ERCC5: variants seen among roughly 807,000 people sequenced by gnomAD.
ERCC5 encodes ERCC excision repair 5, endonuclease, also known as DNA excision repair protein ERCC-5.
A neutral mutation model predicts 105.6 loss-of-function variants in ERCC5; 68 were observed. The observed-to-expected ratio is 0.64, with a 90% confidence interval of 0.53 to 0.79. The LOEUF is 0.79. Ranked by LOEUF, ERCC5 falls within the 30% of genes least tolerant of loss-of-function variation. The probability of loss-of-function intolerance (pLI) is 0.00; values close to 1 mark genes in which losing one functional copy is unlikely to be tolerated. For missense variants in ERCC5, 1,373 were observed against 1,426.7 expected, an observed-to-expected ratio of 0.96 and a Z score of 0.61; for synonymous variants, 546 against 526.2, an observed-to-expected ratio of 1.04 and a Z score of -0.51.
intron 8 of ERCC5, chr13:102,864,930 G>T (rs187789893): frequency 6.6e-6 from 1 of 152,568 alleles, no homozygotes; most frequent in East Asian, 1.9e-4. Context: ...CTTCTTTATA[G>T]TTTCCCTAAC....
At position 102,861,734 on chromosome 13, in the gene ERCC5, A is replaced by G. The variant is rs376004208; in HGVS notation, c.880+20A>G. On this transcript the variant is annotated intron_variant, in intron 7 of 14. Transcript: ENST00000652225. ...TAAAAGGTATCAGGCACCATCATTTATATATTTACATTAAAAAATCAAAGA... is the reference window on the plus strand; with the variant it reads ...TAAAAGGTATCAGGCACCATCATTTGTATATTTACATTAAAAAATCAAAGA... 1.5e-4 allele frequency: 244 copies of G among 1,613,706 alleles called. No homozygotes were observed. The highest frequency in any genetic ancestry group is 3.3e-4 in the Admixed American group (20 of 59,978).
rs773334540 is a variant in ERCC5, at chr13:102,875,496, A to C, written c.3154A>C (p.Lys1052Gln). The change falls in exon 15 of 15, where the codon AAA becomes CAA. Residue 1052 changes from lysine (K) to glutamine (Q), a missense_variant. Coordinates refer to ENST00000652225, the MANE Select transcript of ERCC5 (RefSeq NM_000123.4). ...AGAATTTGAGCTACTTGATAAGGCA[A>C]AAGGAAAAACCCAGAAGAGAGGCAT... ...EKEFELLDKA[K>Q]GKTQKRGITN... The C allele has an allele frequency of 6.2e-7, 1 of 1,614,160 alleles. No individual in the cohort carries two copies. The highest frequency in any genetic ancestry group is 8.5e-7 in the Non-Finnish European group (1 of 1,179,976).
chr13:102,857,691 T>C (rs958381518), intron 5 of ERCC5, among the ~76,000 whole-genome samples: 1 of 152,220 alleles, frequency 6.6e-6, no homozygotes, highest in South Asian at 2.1e-4. Context: ...GGGAATGATA[T>C]ATATTGCTTG....
rs1882810064 is a variant in ERCC5 at position 102,865,765 on chromosome 13, C to A, written c.2053C>A (p.Leu685Met). ...TCCCTCAGAACAAGGCGAAGAGGAA[C>A]TGGTAGGAACTAGGGAGGGAGAAGC... The part of the protein sequence containing the change: ...KPPSEQGEEE[L>M]VGTREGEAPA... The change falls in exon 9 of 15, where the codon CTG becomes ATG. Residue 685 changes from leucine (L) to methionine (M), a missense_variant. This residue lies in a region of ERCC5 where 1,004 missense variants were observed against 1,059.7 expected (regional missense o/e 0.95). Transcript: ENST00000652225. This position sits in a 1 kb window ranked among gnomAD's most constrained non-coding sequence, Gnocchi z 4.0. 6.2e-7 allele frequency: 1 copy of A among 1,614,100 alleles called. No homozygotes were observed. The highest frequency in any genetic ancestry group is 2.2e-5 in the East Asian group (1 of 44,878).
chr13:102,866,505 G>T, intron 10 of ERCC5, 124 bp downstream of exon 10: 4 of 1,600,824 alleles, frequency 2.5e-6, no homozygotes, highest in Non-Finnish European at 3.4e-6. Context: ...GTTCCCTGGG[G>T]GTCACTGTGT....
rs995431885 is a variant in ERCC5 at position 102,856,104 on chromosome 13, G to C, written c.520G>C (p.Ala174Pro). Residue 174 changes from alanine (A) to proline (P), a missense_variant, in exon 5 of 15, where the codon GCA becomes CCA. This residue lies in a region of ERCC5 where 1,004 missense variants were observed against 1,059.7 expected (regional missense o/e 0.95). Coordinates refer to ENST00000652225, the MANE Select transcript of ERCC5 (RefSeq NM_000123.4). ...EWQERMNQKQ[A>P]LQEEFFHNPQ... Reference sequence around the variant, plus strand: ...GCAAGAAAGAATGAATCAAAAACAAGCATTACAGGTATTTAGATCATTTTT... The same window carrying C: ...GCAAGAAAGAATGAATCAAAAACAACCATTACAGGTATTTAGATCATTTTT... 5.0e-6 allele frequency: 8 copies of C among 1,613,610 alleles called. No homozygotes were observed. Among genetic ancestry groups the C allele is most frequent in the Non-Finnish European group, 6.8e-6 (8 of 1,179,616 alleles).
intron 4 of ERCC5, 81 bp from the exon 5 acceptor site, chr13:102,855,971 C>G (rs868615072): frequency 3.6e-6 from 5 of 1,398,038 alleles, no homozygotes; most frequent in Non-Finnish European, 5.1e-6. Context: ...GCCCGTATAA[C>G]GAGCAGAGCC....
In ERCC5 at chr13:102,875,457, G is replaced by C. The variant is rs936371368; in HGVS notation, c.3115G>C (p.Val1039Leu). Residue 1039 changes from valine (V) to leucine (L), a missense_variant, in exon 15 of 15, where the codon GTT becomes CTT. Val to Leu is a conservative substitution (Grantham distance 32). This residue lies in a region of ERCC5 where 367 missense variants were observed against 350.2 expected (regional missense o/e 1.05). Transcript: ENST00000652225. ...AAASEIEAVSVAMEKEFELLD... is the reference protein window; with the variant it reads ...AAASEIEAVSLAMEKEFELLD... Reference sequence around the variant, plus strand: ...AGCCAGCGAAATAGAAGCAGTTTCTGTTGCCATGGAGAAAGAATTTGAGCT... The same window carrying C: ...AGCCAGCGAAATAGAAGCAGTTTCTCTTGCCATGGAGAAAGAATTTGAGCT... The C allele has an allele frequency of 4.3e-6, 7 of 1,614,054 alleles. No homozygotes were observed. In the African/African-American group the frequency reaches 5.3e-5, roughly 12 times the overall value.
chr13:102,854,157 C>A, intron 3 of ERCC5, 131 bp from the exon 4 acceptor site: 1 of 991,808 alleles, frequency 1.0e-6, no homozygotes, highest in Non-Finnish European at 1.6e-6. Flanking sequence ...GCAGCCCCGC[C>A]AAGGTTCCTT....
rs1480803999 is a variant in ERCC5 at position 102,862,945 on chromosome 13, A to T, written c.1796A>T (p.Asn599Ile). The T allele has an allele frequency of 8.7e-6, 14 of 1,614,228 alleles. No individual in the cohort carries two copies. Among genetic ancestry groups the T allele is most frequent in the Non-Finnish European group, 1.2e-5 (14 of 1,180,040 alleles). Residue 599 changes from asparagine to isoleucine, a missense_variant, in exon 8 of 15, where the codon AAT becomes ATT. By Grantham distance (149) the Asn-to-Ile change is moderately radical (BLOSUM62 -3). Around this residue, in one of 3 missense-constraint regions of ERCC5, gnomAD observed 1,004 missense variants for 1,059.7 expected, o/e 0.95. Transcript: ENST00000652225. The part of the protein sequence containing the change: ...IVSVPSEAVD[N>I]VENVVSFNAK... Reference sequence around the variant, plus strand: ...AGTGTCCCTTCAGAGGCAGTAGATAATGTGGAAAATGTGGTGTCATTTAAT... The same window carrying T: ...AGTGTCCCTTCAGAGGCAGTAGATATTGTGGAAAATGTGGTGTCATTTAAT...
chr13:102,875,296 T>C lies in ERCC5; in HGVS notation c.2965-11T>C. The stretch of plus-strand genomic sequence containing the variant: ...TGATTTATTATTATTATTCTTTTGT[T>C]ATTTTTTTAGACACAGCTCCGAATT... On this transcript the variant is annotated splice_polypyrimidine_tract_variant and intron_variant, in intron 14 of 14. Coordinates refer to ENST00000652225, the MANE Select transcript of ERCC5 (RefSeq NM_000123.4). 1 of 1,612,546 alleles carries C rather than the reference T, an allele frequency of 6.2e-7. No homozygotes were observed. Among genetic ancestry groups the C allele is most frequent in the Non-Finnish European group, 8.5e-7 (1 of 1,179,230 alleles).
rs770998368 is a variant in ERCC5 at position 102,861,511 on chromosome 13, C to G, written c.677C>G (p.Ser226Cys). 6.2e-7 allele frequency: 1 copy of G among 1,613,980 alleles called. No individual in the cohort carries two copies. The highest frequency in any genetic ancestry group is 8.5e-7 in the Non-Finnish European group (1 of 1,179,970). ...RTLFEAMPEESDDFSQYQLKG... is the reference protein window; with the variant it reads ...RTLFEAMPEECDDFSQYQLKG... ...GTTTGTTTATTTTGCCTTTAGGAGT[C>G]TGATGACTTTTCACAGTACCAACTC... The change falls in exon 7 of 15, where the codon TCT becomes TGT. Residue 226 changes from serine to cysteine, a missense_variant. Coordinates refer to ENST00000652225, the MANE Select transcript of ERCC5 (RefSeq NM_000123.4).
rs1245984500 is a variant in ERCC5 at position 102,868,105 on chromosome 13, C to G, written c.2534-8C>G. On this transcript the variant is annotated splice_region_variant and splice_polypyrimidine_tract_variant and intron_variant, in intron 11 of 14. Transcript: ENST00000652225. ...TGATAAAAATTAAAAAATATTGTTA[C>G]TCTTTAGGATTGGACCGGAATAAGT... 3 of 1,611,410 alleles carry G rather than the reference C, an allele frequency of 1.9e-6. No homozygotes were observed. The highest frequency in any genetic ancestry group is 2.5e-6 in the Non-Finnish European group (3 of 1,178,896).
chr13:102,866,733 C>T lies in ERCC5; in HGVS notation c.2421C>T (p.Ile807=), dbSNP rs199648606. ...LDLTDQTSGT[I]TDDSDIWLFG... is the part of the protein sequence containing the mutation. ...TGACTGATCAGACTTCCGGAACCAT[C>T]ACTGATGACAGTGATATCTGGCTGT... The change falls in exon 11 of 15, where the codon ATC becomes ATT. Residue 807 remains isoleucine, a synonymous_variant. Coordinates refer to ENST00000652225, the MANE Select transcript of ERCC5 (RefSeq NM_000123.4). The T allele has an allele frequency of 2.4e-5, 38 of 1,614,158 alleles. No individual in the cohort carries two copies. The East Asian group carries it at 3.8e-4, about 16-fold the overall frequency.
chr13:102,863,866 C>T (rs1448206445), intron 8 of ERCC5, among the ~76,000 whole-genome samples: 1 of 152,026 alleles, frequency 6.6e-6, no homozygotes, highest in Non-Finnish European at 1.5e-5. Context: ...TATTCTGGCA[C>T]CTGTTAGCGT....
chr13:102,856,254 A>G (rs2140521233), intron 5 of ERCC5, 142 bp downstream of exon 5: 2 of 737,674 alleles, frequency 2.7e-6, no homozygotes, highest in Middle Eastern at 3.9e-4. Flanking sequence ...GTGCATATAT[A>G]TGTGTACATG....
intron 6 of ERCC5, among the ~76,000 whole-genome samples, chr13:102,861,015 T>A (rs1251564436): frequency 8.3e-5 from 12 of 145,220 alleles, no homozygotes; most frequent in Non-Finnish European, 1.8e-4. Context: ...TGAGGGGAAG[T>A]CTCGCTCTTG....
intron 1 of ERCC5, among the ~76,000 whole-genome samples, chr13:102,847,484 C>T (rs1882021041): frequency 6.6e-6 from 1 of 151,820 alleles, no homozygotes; most frequent in Admixed American, 6.6e-5. Flanking sequence ...CAAAGGAATC[C>T]CTGACTGTGG....
intron 7 of ERCC5, 130 bp downstream of exon 7, chr13:102,861,844 T>TTACA: frequency 7.4e-7 from 1 of 1,351,960 alleles, no homozygotes; most frequent in Non-Finnish European, 1.0e-6. Context: ...TATACTGCTA[T>TTACA]TAATGGATTA....
Sources: allele counts gnomAD v4.1 joint callset (sites outside exome capture counted in the v4.1 genomes callset), GRCh38; gene constraint gnomAD v4.1.1; regional missense constraint gnomAD v4.1.1; non-coding constraint Gnocchi (gnomAD v3.1); transcripts MANE v1.5; gene names NCBI Gene and HGNC (gene_info 2026-07-23, HGNC 2026-07-21).